Variants in COIL observed in about 807,000 individuals in gnomAD.
COIL encodes the protein coilin.
In COIL, 28 loss-of-function variants were observed where a neutral mutation model predicts 51.6. The observed-to-expected ratio is 0.54, with a 90% CI of 0.40 to 0.74. The LOEUF is 0.74. Among genes scored for constraint, COIL ranks in the 30% least tolerant of loss-of-function variants. The probability of loss-of-function intolerance (pLI) is 0.00; values close to 1 mark genes in which losing one functional copy is unlikely to be tolerated. For synonymous variants in COIL, 233 were observed against 255.8 expected (o/e 0.91, Z 0.85); for missense variants, 667 against 685.9 (o/e 0.97, Z 0.31).
chr17:56,951,467 G>C (rs1408612440), intron 1 of COIL: 1 of 153,430 alleles, frequency 6.5e-6, no homozygotes, highest in Non-Finnish European at 1.4e-5. Context: ...TCAGAATGTG[G>C]GCTTCTTTCT....
intron 1 of COIL, among the ~76,000 whole-genome samples, chr17:56,955,553 T>C (rs923905904): frequency 6.6e-6 from 1 of 152,188 alleles, no homozygotes; most frequent in African/African-American, 2.4e-5. Context: ...TGGGTTCAAA[T>C]GCTATTTCTG....
At chr17:56,941,912 G>A in intron 6 of COIL, 123 bp downstream of exon 6, 2 of 766,888 alleles carry the variant, frequency 2.6e-6, no homozygotes, top group Non-Finnish European at 4.4e-6. Flanking sequence ...CACTGGTATT[G>A]CCACACCATA....
chr17:56,951,980 T>C (rs940998090), intron 1 of COIL: 10 of 192,358 alleles, frequency 5.2e-5, no homozygotes, highest in Non-Finnish European at 1.1e-4. Context: ...TTTGTATTTT[T>C]AGTAGAGATG....
intron 5 of COIL, among the ~76,000 whole-genome samples, chr17:56,942,486 A>G (rs1951102826): frequency 6.6e-6 from 1 of 152,110 alleles, no homozygotes; most frequent in African/African-American, 2.4e-5. Flanking sequence ...TAGAAATCAC[A>G]TATGCTTCCT....
In COIL at chr17:56,939,090, G is replaced by C. The variant is rs1390340904; in HGVS notation, c.1712C>G (p.Ser571Ter). The change falls in exon 7 of 7, where the codon TCA (serine) becomes TGA (stop). Residue 571 changes from serine to a stop codon, truncating the protein, a stop_gained. Transcript: ENST00000240316. LOFTEE classifies it high-confidence loss of function. ...RLIIESPSNT[S>*]STEPA is the part of the protein sequence containing the mutation. ...TCATACTCAGGCAGGTTCTGTACTTGATGTGTTACTTGGAGATTCAATAAT... is the reference window on the plus strand; with the variant it reads ...TCATACTCAGGCAGGTTCTGTACTTCATGTGTTACTTGGAGATTCAATAAT... The C allele has an allele frequency of 6.3e-7, 1 of 1,585,426 alleles. No homozygotes were observed. The highest frequency in any genetic ancestry group is 8.7e-7 in the Non-Finnish European group (1 of 1,154,222).
intron 5 of COIL, among the ~76,000 whole-genome samples, chr17:56,945,809 G>A (rs908881425): frequency 2.6e-5 from 4 of 152,160 alleles, no homozygotes; most frequent in East Asian, 3.8e-4. Context: ...TCCACCTCCC[G>A]GGTTCAAGCG....
At chr17:56,942,707 G>C (rs1210018928) in intron 5 of COIL, among the ~76,000 whole-genome samples, 1 of 152,086 alleles carries the variant, frequency 6.6e-6, no homozygotes, top group Non-Finnish European at 1.5e-5. Flanking sequence ...GTTGAGACAG[G>C]GTTTCACCAT....
Position 56,938,918 on chromosome 17 carries a change from AATG to A in COIL, c.*150_*152del, listed in dbSNP as rs1910092714. 1.3e-5 allele frequency: 6 copies of A among 479,440 alleles called. No individual in the cohort carries two copies. The South Asian group carries it at 2.3e-4, about 18-fold the overall frequency. The allele number at this position is 479,440 out of a possible 1,614,324, so 29.7% of individuals were successfully genotyped here. A position where few individuals can be genotyped will look rare whatever the true frequency, so the allele number is the denominator to read the frequency against. On this transcript the variant is annotated 3_prime_UTR_variant, in exon 7 of 7. Transcript: ENST00000240316. Reference sequence around the variant, plus strand: ...CAAAACCGACACCCATGTCATTTTAAATGATGAGGTAGATTGTTTCCTATGCAG... The same window carrying A: ...CAAAACCGACACCCATGTCATTTTAAATGAGGTAGATTGTTTCCTATGCAG...
In COIL at chr17:56,950,536, C is replaced by T. The variant is rs780297496; in HGVS notation, c.706G>A (p.Val236Ile). 2.5e-6 allele frequency: 4 copies of T among 1,614,248 alleles called. No individual in the cohort carries two copies. The highest frequency in any genetic ancestry group is 1.3e-5 in the African/African-American group (1 of 75,068). ...SLVKAKRKGS[V>I]SVCSKESPSS... ...GGACTCTCTTTTGAGCAAACGCTTA[C>T]ACTACCTTTCCTTTTGGCTTTAACA... The change falls in exon 2 of 7, where the codon GTA (valine) becomes ATA (isoleucine). Residue 236 changes from valine to isoleucine, a missense_variant. Val to Ile is a conservative substitution (Grantham distance 29). Coordinates refer to ENST00000240316, the MANE Select transcript of COIL (RefSeq NM_004645.3).
At chr17:56,939,191 C>A in intron 6 of COIL, 37 bp from the exon 7 acceptor site, 1 of 1,089,974 alleles carries the variant, frequency 9.2e-7, no homozygotes, top group Non-Finnish European at 1.4e-6. Context: ...TTAGGCACTT[C>A]ATTTTGAGGT....
At chr17:56,949,533 C>G (rs1341986445) in intron 3 of COIL, 99 bp from the exon 4 acceptor site, 1 of 1,424,028 alleles carries the variant, frequency 7.0e-7, no homozygotes, top group African/African-American at 1.4e-5. Flanking sequence ...CCACCCCGAC[C>G]AGTCTGGGAG....
intron 1 of COIL, among the ~76,000 whole-genome samples, chr17:56,959,388 T>C (rs1229084766): frequency 6.6e-6 from 1 of 152,120 alleles, no homozygotes; most frequent in Non-Finnish European, 1.5e-5. Flanking sequence ...GTCCAAGATA[T>C]GAATCCAAAC....
chr17:56,951,708 A>C (rs1340812615), intron 1 of COIL: 1 of 153,232 alleles, frequency 6.5e-6, no homozygotes, highest in Non-Finnish European at 1.5e-5. Context: ...CAAGAGCATC[A>C]ACAAAGCTGA....
chr17:56,957,000 T>A (rs1482525415), intron 1 of COIL, among the ~76,000 whole-genome samples: 1 of 152,198 alleles, frequency 6.6e-6, no homozygotes, highest in Non-Finnish European at 1.5e-5. Flanking sequence ...CCGGGGGCAG[T>A]GGCTCAGGCT....
At chr17:56,956,239 T>C (rs1910480166) in intron 1 of COIL, among the ~76,000 whole-genome samples, 1 of 152,170 alleles carries the variant, frequency 6.6e-6, no homozygotes, top group Non-Finnish European at 1.5e-5. Context: ...AACTCGTCTC[T>C]AATATTTTGT....
At chr17:56,952,124 T>C in intron 1 of COIL, 1 of 441,792 alleles carries the variant, frequency 2.3e-6, no homozygotes, top group South Asian at 1.8e-5. Context: ...GTCCAGTTTC[T>C]AACTATAATG....
chr17:56,949,277 C>T (rs1190345100), intron 4 of COIL, 110 bp downstream of exon 4: 1 of 788,040 alleles, frequency 1.3e-6, no homozygotes, highest in Non-Finnish European at 2.0e-6. Context: ...TACTTTCTGG[C>T]ATTTTTATTT....
intron 1 of COIL, chr17:56,952,255 C>CAA (rs1440465342): frequency 2.0e-6 from 1 of 489,762 alleles, no homozygotes; most frequent in African/African-American, 2.0e-5. Flanking sequence ...ATTTGACGTG[C>CAA]AACTCAAAGA....
At chr17:56,953,273 T>C (rs919916296) in intron 1 of COIL, among the ~76,000 whole-genome samples, 8 of 151,618 alleles carry the variant, frequency 5.3e-5, no homozygotes, top group Non-Finnish European at 7.4e-5. Flanking sequence ...TAGCCAGGCG[T>C]GGTGGCGGGC....
Sources: allele counts gnomAD v4.1 joint callset (sites outside exome capture counted in the v4.1 genomes callset), GRCh38; gene constraint gnomAD v4.1.1; transcripts MANE v1.5; gene names NCBI Gene and HGNC (gene_info 2026-07-23, HGNC 2026-07-21).